The following CSMD1 variants were observed in gnomAD, a reference collection of about 807,000 sequenced individuals.
CSMD1 encodes the protein CUB and sushi domain-containing protein 1.
In CSMD1, 213 loss-of-function variants were observed where a neutral mutation model predicts 417.5. The observed-to-expected ratio is 0.51, with a 90% CI of 0.46 to 0.57. CSMD1 has a LOEUF of 0.57. Ranked by LOEUF, CSMD1 falls within the 20% of genes least tolerant of loss-of-function variation. CSMD1 has a pLI of 0.00. For missense variants in CSMD1, 6,923 were observed against 4,529.7 expected (o/e 1.53, Z -15.17); for synonymous variants, 2,862 against 1,736.8 (o/e 1.65, Z -16.11).
intron 23 of CSMD1, among the ~76,000 whole-genome samples, chr8:3,324,051 A>C (rs113842215): frequency 8.1e-6 from 1 of 122,998 alleles, no homozygotes; most frequent in East Asian, 2.5e-4. Context: ...ACCTTTCATC[A>C]TTGTTAAAAT....
intron 5 of CSMD1, among the ~76,000 whole-genome samples, chr8:3,780,715 GCA>G (rs1799131550): frequency 6.6e-6 from 1 of 152,200 alleles, no homozygotes. Context: ...GGTGAGAAAT[GCA>G]CAGATGCTTT....
At chr8:3,364,158 T>C (rs1563313308) in intron 20 of CSMD1, among the ~76,000 whole-genome samples, 6 of 149,454 alleles carry the variant, frequency 4.0e-5, no homozygotes. Context: ...TTTGTATACT[T>C]AAAAAAAAAA....
At position 3,048,397 on chromosome 8, in the gene CSMD1, A is replaced by T. The variant is rs547960684; in HGVS notation, c.7660+4065T>A. Among the ~76,000 whole-genome samples the T allele has an allele frequency of 2.4e-4, 36 of 152,332 alleles. 1 individual carries two copies. In the South Asian group the frequency reaches 7.5e-3, roughly 32 times the overall value. On this transcript the variant is annotated intron_variant, in intron 50 of 69. Coordinates refer to ENST00000635120, the MANE Select transcript of CSMD1 (RefSeq NM_033225.6). ...GGCAAAAAAGTAGACAAATGTGTCA[A>T]TGGAACAGAATACAGAGCCCAGAAA...
At chr8:4,573,992 C>A (rs1190632333) in intron 2 of CSMD1, among the ~76,000 whole-genome samples, 1 of 152,176 alleles carries the variant, frequency 6.6e-6, no homozygotes, top group Non-Finnish European at 1.5e-5. Context: ...TCAAGTCTCC[C>A]AGCTCGACTT....
rs141650451 is a variant in CSMD1, at chr8:4,120,059, T to C, written c.416-87960A>G. Among the ~76,000 whole-genome samples the C allele has an allele frequency of 3.9e-3, 597 of 152,272 alleles. 5 individuals carry two copies. Among genetic ancestry groups the C allele is most frequent in the African/African-American group, 0.014 (561 of 41,532 alleles). ...CACATTTAAAAATAACAGAGTATAA[T>C]TGGATTATTTGTAATACAAAGGATA... On this transcript the variant is annotated intron_variant, in intron 3 of 69. Transcript: ENST00000635120.
chr8:4,465,381 C>T (rs1800102865), intron 2 of CSMD1, among the ~76,000 whole-genome samples: 1 of 152,088 alleles, frequency 6.6e-6, no homozygotes, highest in Non-Finnish European at 1.5e-5. Context: ...AATGAGAAAA[C>T]ATGGTTTGAA....
At chr8:3,780,542 T>C (rs1397449251) in intron 5 of CSMD1, among the ~76,000 whole-genome samples, 1 of 152,200 alleles carries the variant, frequency 6.6e-6, no homozygotes, top group Non-Finnish European at 1.5e-5. Flanking sequence ...GGATGGGTAA[T>C]GAGCTTCAAC....
At chr8:3,362,955 C>A (rs999981256) in intron 20 of CSMD1, among the ~76,000 whole-genome samples, 1 of 152,228 alleles carries the variant, frequency 6.6e-6, no homozygotes, top group Non-Finnish European at 1.5e-5. Context: ...TCATGTCAAG[C>A]TCTTCAAATC....
chr8:4,024,811 G>A (rs896865219), intron 4 of CSMD1, among the ~76,000 whole-genome samples: 9 of 152,192 alleles, frequency 5.9e-5, no homozygotes, highest in African/African-American at 1.4e-4. Context: ...GGAACTTCCT[G>A]AGTATGACTT....
intron 3 of CSMD1, among the ~76,000 whole-genome samples, chr8:4,376,999 C>T (rs937874573): frequency 1.3e-5 from 2 of 152,112 alleles, no homozygotes; most frequent in Non-Finnish European, 2.9e-5. Flanking sequence ...AGCTGTGCCC[C>T]GGGACACAGG....
intron 17 of CSMD1, among the ~76,000 whole-genome samples, chr8:3,389,583 G>C (rs985143007): frequency 9.2e-5 from 14 of 152,000 alleles, no homozygotes; most frequent in African/African-American, 3.4e-4. Context: ...TATGCACTAC[G>C]GCAAAACAGT....
At position 3,308,770 on chromosome 8, in the gene CSMD1, C is replaced by T. The variant is rs561368836; in HGVS notation, c.3632-267G>A. On this transcript the variant is annotated intron_variant, in intron 23 of 69. Coordinates refer to ENST00000635120, the MANE Select transcript of CSMD1 (RefSeq NM_033225.6). ...TTTTTTTTTGCTTTTGTTGCCCAGGCTGGAGTGCAATGGCGTGATCTTGCC... is the reference window on the plus strand; with the variant it reads ...TTTTTTTTTGCTTTTGTTGCCCAGGTTGGAGTGCAATGGCGTGATCTTGCC... Among the ~76,000 whole-genome samples the T allele has an allele frequency of 8.2e-4, 105 of 128,436 alleles. 1 individual carries two copies. The highest frequency in any genetic ancestry group is 3.1e-3 in the African/African-American group (104 of 33,678). 84.3% of individuals were successfully genotyped at this position (128,436 alleles called of 152,430 possible).
chr8:3,572,213 C>A (rs79811324), intron 10 of CSMD1, among the ~76,000 whole-genome samples: 5,212 of 152,164 alleles, frequency 0.034, 313 homozygotes, highest in African/African-American at 0.12. Context: ...TGGGAGCCCC[C>A]TCTCAGTCCA....
intron 2 of CSMD1, among the ~76,000 whole-genome samples, chr8:4,587,245 C>T (rs1799747003): frequency 6.6e-6 from 1 of 152,070 alleles, no homozygotes; most frequent in African/African-American, 2.4e-5. Context: ...TGTTGTTTTA[C>T]ACTGAAATGA....
At chr8:3,979,411 G>A (rs183182905) in intron 5 of CSMD1, among the ~76,000 whole-genome samples, 2 of 152,312 alleles carry the variant, frequency 1.3e-5, no homozygotes, top group South Asian at 2.1e-4. Flanking sequence ...GAGGCTACAT[G>A]GAAAAGCTGC....
chr8:4,217,213 T>C (rs752601288), intron 3 of CSMD1, among the ~76,000 whole-genome samples: 5 of 152,200 alleles, frequency 3.3e-5, no homozygotes, highest in Admixed American at 6.5e-5. Context: ...CTAGCAACAA[T>C]TACTCTTCTT....
chr8:3,469,675 C>T (rs1229341602), intron 11 of CSMD1, among the ~76,000 whole-genome samples: 1 of 152,186 alleles, frequency 6.6e-6, no homozygotes, highest in Non-Finnish European at 1.5e-5. Context: ...AAAGTAGTTT[C>T]AGGAATATGA....
At chr8:3,797,868 C>T (rs750585086) in intron 5 of CSMD1, among the ~76,000 whole-genome samples, 1 of 151,934 alleles carries the variant, frequency 6.6e-6, no homozygotes. Flanking sequence ...ATTTTATATT[C>T]CCACAGTAAG....
intron 1 of CSMD1, among the ~76,000 whole-genome samples, chr8:4,652,238 G>A (rs1179559909): frequency 6.6e-6 from 1 of 152,180 alleles, no homozygotes; most frequent in African/African-American, 2.4e-5. Flanking sequence ...TGGGATTGGG[G>A]AAAATGATGT....
Sources: allele counts gnomAD v4.1 joint callset (sites outside exome capture counted in the v4.1 genomes callset), GRCh38; gene constraint gnomAD v4.1.1; transcripts MANE v1.5; gene names NCBI Gene and HGNC (gene_info 2026-07-23, HGNC 2026-07-21).